Variants in BMPR1A observed in about 807,000 individuals in gnomAD.
The protein encoded by BMPR1A is bone morphogenetic protein receptor type-1A.
In BMPR1A, 7 loss-of-function variants were observed where a neutral mutation model predicts 66.0. The ratio of observed to expected loss-of-function variants is 0.11; its 90% CI spans 0.06 to 0.20. The LOEUF (loss-of-function observed/expected upper bound fraction) is 0.20. Ranked by LOEUF, BMPR1A falls within the 10% of genes least tolerant of loss-of-function variation. The pLI is 1.00. For synonymous variants in BMPR1A, 200 were observed against 229.7 expected (o/e 0.87, Z 1.17); for missense variants, 408 against 669.1 (o/e 0.61, Z 4.31).
chr10:86,763,729 A>G (rs943628369), intron 1 of BMPR1A, among the ~76,000 whole-genome samples: 3 of 150,746 alleles, frequency 2.0e-5, no homozygotes, highest in Non-Finnish European at 4.4e-5. Context: ...AAGTATCAAA[A>G]TGTTGAGAAG....
intron 1 of BMPR1A, among the ~76,000 whole-genome samples, chr10:86,821,954 C>T (rs1364173161): frequency 6.6e-6 from 1 of 152,094 alleles, no homozygotes; most frequent in East Asian, 1.9e-4. Flanking sequence ...CAGGCACGCA[C>T]CACCACACCC....
At chr10:86,855,867 A>C in intron 2 of BMPR1A, 1 of 740,634 alleles carries the variant, frequency 1.4e-6, no homozygotes, top group South Asian at 1.8e-5. Flanking sequence ...TGAGTGCTGG[A>C]AGAACAATTG....
At chr10:86,772,126 GTTT>G (rs777280640) in intron 1 of BMPR1A, among the ~76,000 whole-genome samples, 17 of 88,876 alleles carry the variant, frequency 1.9e-4, no homozygotes, top group Admixed American at 1.5e-4. Flanking sequence ...TCAGAGATAG[GTTT>G]TTTTTTTTTT....
chr10:86,826,046 C>T (rs1842188790), intron 1 of BMPR1A, among the ~76,000 whole-genome samples: 1 of 152,180 alleles, frequency 6.6e-6, no homozygotes, highest in Non-Finnish European at 1.5e-5. Flanking sequence ...AACTCAGTGG[C>T]TCACTTGCTA....
At chr10:86,762,877 GT>G (rs1437704292) in intron 1 of BMPR1A, among the ~76,000 whole-genome samples, 4 of 152,006 alleles carry the variant, frequency 2.6e-5, no homozygotes, top group African/African-American at 9.7e-5. Context: ...CAAGGAGACT[GT>G]TTTTGGAAGT....
chr10:86,782,134 AT>A (rs1191804305), intron 1 of BMPR1A, among the ~76,000 whole-genome samples: 1 of 152,106 alleles, frequency 6.6e-6, no homozygotes, highest in East Asian at 1.9e-4. Flanking sequence ...AAGTGCTGGG[AT>A]TACAGGTGTG....
intron 2 of BMPR1A, among the ~76,000 whole-genome samples, chr10:86,840,885 C>A (rs1311725039): frequency 6.6e-6 from 1 of 152,238 alleles, no homozygotes; most frequent in East Asian, 1.9e-4. Flanking sequence ...CTTTCCGAAT[C>A]CCCCTTCACC....
chr10:86,773,869 T>TG (rs1223559294), intron 1 of BMPR1A, among the ~76,000 whole-genome samples: 8 of 151,084 alleles, frequency 5.3e-5, no homozygotes, highest in Admixed American at 1.3e-4. Flanking sequence ...TTTTTTTTTT[T>TG]GAGACAGAGT....
intron 1 of BMPR1A, among the ~76,000 whole-genome samples, chr10:86,797,651 G>A (rs749906102): frequency 2.0e-5 from 3 of 152,188 alleles, no homozygotes; most frequent in African/African-American, 4.8e-5. Context: ...ACAGGCGTGA[G>A]CCACCGTGCC....
chr10:86,887,587 G>T (rs1198500479), intron 3 of BMPR1A, among the ~76,000 whole-genome samples: 2 of 152,186 alleles, frequency 1.3e-5, no homozygotes, highest in African/African-American at 2.4e-5. Flanking sequence ...CTGAGGTTCA[G>T]AGAGTAACTT....
At position 86,869,229 on chromosome 10, in the gene BMPR1A, G is replaced by A. The variant is rs115863384; in HGVS notation, c.-152-6638G>A. Among the ~76,000 whole-genome samples, 392 of 152,244 alleles carry A rather than the reference G, an allele frequency of 2.6e-3. 4 individuals carry two copies. Among genetic ancestry groups the A allele is most frequent in the African/African-American group, 9.1e-3 (378 of 41,534 alleles). ...CCCAGCACTTTGAGAGGCCGAGGTG[G>A]ACAGATCGCCTGAGGTCCAGGAGTT... is the stretch of plus-strand genomic sequence containing the variant. On this transcript the variant is annotated intron_variant, in intron 2 of 12. Coordinates refer to ENST00000372037, the MANE Select transcript of BMPR1A (RefSeq NM_004329.3).
At chr10:86,916,120 C>G (rs1843564561) in intron 8 of BMPR1A, among the ~76,000 whole-genome samples, 1 of 151,986 alleles carries the variant, frequency 6.6e-6, no homozygotes, top group African/African-American at 2.4e-5. Flanking sequence ...TCAAAAAAAC[C>G]CAGCGACAGG....
At chr10:86,799,967 A>G (rs1841788770) in intron 1 of BMPR1A, among the ~76,000 whole-genome samples, 1 of 152,182 alleles carries the variant, frequency 6.6e-6, no homozygotes, top group Non-Finnish European at 1.5e-5. Flanking sequence ...GAAAAACAAC[A>G]TATCTCTGCT....
chr10:86,876,247 A>G (rs929056097), intron 3 of BMPR1A, among the ~76,000 whole-genome samples, 162 bp downstream of exon 3: 1 of 152,224 alleles, frequency 6.6e-6, no homozygotes, highest in African/African-American at 2.4e-5. Context: ...TAATTTTTTA[A>G]CTTGGCTGTG....
At chr10:86,914,117 T>TAAA (rs74542203) in intron 8 of BMPR1A, among the ~76,000 whole-genome samples, 1 of 138,930 alleles carries the variant, frequency 7.2e-6, no homozygotes, top group African/African-American at 2.6e-5. Flanking sequence ...GTTAATTGAT[T>TAAA]AAAAAAAAAA....
chr10:86,825,045 A>G (rs1842173579), intron 1 of BMPR1A, among the ~76,000 whole-genome samples: 1 of 152,026 alleles, frequency 6.6e-6, no homozygotes, highest in Non-Finnish European at 1.5e-5. Context: ...TTTTCTAAAT[A>G]TATTAGAAAT....
intron 1 of BMPR1A, among the ~76,000 whole-genome samples, chr10:86,791,580 T>A (rs994860218): frequency 1.3e-5 from 2 of 151,182 alleles, no homozygotes; most frequent in Non-Finnish European, 2.9e-5. Context: ...ATTTTAGCAA[T>A]AATTATTCAA....
intron 2 of BMPR1A, among the ~76,000 whole-genome samples, chr10:86,868,506 A>G (rs192808345): frequency 2.6e-5 from 4 of 152,360 alleles, no homozygotes; most frequent in South Asian, 2.1e-4. Flanking sequence ...CATGCGAACA[A>G]TGGCCTTGGA....
chr10:86,906,752 A>C (rs1327592728), intron 7 of BMPR1A, among the ~76,000 whole-genome samples: 7 of 34,696 alleles, frequency 2.0e-4, no homozygotes, highest in Non-Finnish European at 2.6e-4. Context: ...AAAAAAAAAA[A>C]AAAAAAAAAA....
Sources: allele counts gnomAD v4.1 joint callset (sites outside exome capture counted in the v4.1 genomes callset), GRCh38; gene constraint gnomAD v4.1.1; transcripts MANE v1.5; gene names NCBI Gene and HGNC (gene_info 2026-07-23, HGNC 2026-07-21).